KMT2A: variants seen among roughly 807,000 people sequenced by gnomAD.
The protein encoded by KMT2A is histone-lysine N-methyltransferase 2A.
Under a neutral mutation model 345.3 loss-of-function variants are expected in KMT2A, and 16 were observed. The observed-to-expected ratio is 0.05, with a 90% CI of 0.03 to 0.07. The LOEUF (loss-of-function observed/expected upper bound fraction) is 0.07, where lower values mean the gene tolerates loss of function less well. Among genes scored for constraint, KMT2A ranks in the 10% least tolerant of loss-of-function variants. KMT2A has a pLI of 1.00. For missense variants in KMT2A, 3,272 were observed against 4,841.6 expected, an observed-to-expected ratio of 0.68 and a Z score of 9.62; for synonymous variants, 1,599 against 1,778.6, an observed-to-expected ratio of 0.90 and a Z score of 2.54.
intron 10 of KMT2A, among the ~76,000 whole-genome samples, chr11:118,487,424 G>A (rs992056966): frequency 2.0e-5 from 3 of 152,002 alleles, no homozygotes; most frequent in Non-Finnish European, 4.4e-5. Flanking sequence ...TCCTCCATGC[G>A]AATTTTTTAA....
chr11:118,509,289 ATTT>A, intron 29 of KMT2A, 89 bp downstream of exon 29: 2 of 1,078,476 alleles, frequency 1.9e-6, no homozygotes, highest in Admixed American at 5.3e-5. Context: ...TATTTTCTAC[ATTT>A]AAAAAAAAAA....
rs782219735 is a variant in KMT2A, at chr11:118,499,344, T to C, written c.6003T>C (p.Phe2001=). 3.0e-5 allele frequency: 49 copies of C among 1,613,940 alleles called. No homozygotes were observed. In the South Asian group the frequency reaches 4.9e-4, roughly 16 times the overall value. The change falls in exon 23 of 36, where the codon TTT becomes TTC. Residue 2001 remains phenylalanine (F), a synonymous_variant. Transcript: ENST00000534358. ...ENGFEVFRRV[F]VDFEGISLRR... ...GATTTGAAGTTTTCAGAAGAGTGTT[T>C]GTGGACTTTGAAGGAATCAGCTTGA...
chr11:118,485,063 TA>T (rs1950205606), intron 10 of KMT2A, 88 bp downstream of exon 10: 2 of 810,362 alleles, frequency 2.5e-6, no homozygotes, highest in Non-Finnish European at 4.2e-6. Flanking sequence ...TGTTGGTATT[TA>T]GCAGGTACTA....
Position 118,494,001 on chromosome 11 carries a change from G to C in KMT2A, c.5179-287G>C, listed in dbSNP as rs1289883882. ...GCTGGGATTACAGGCGTGAGCCACT[G>C]TTTATTTATTTTAATCCAAAATAAA... On this transcript the variant is annotated intron_variant, in intron 16 of 35. Coordinates refer to ENST00000534358, the MANE Select transcript of KMT2A (RefSeq NM_001197104.2). This position sits in a 1 kb window ranked among gnomAD's most constrained non-coding sequence, Gnocchi z 5.8. 3.9e-5 allele frequency among the ~76,000 whole-genome samples: 6 copies of C among 152,154 alleles called. No homozygotes were observed. The highest frequency in any genetic ancestry group is 1.4e-4 in the African/African-American group (6 of 41,426).
chr11:118,459,614 T>C (rs1255045815), intron 1 of KMT2A, among the ~76,000 whole-genome samples: 2 of 152,072 alleles, frequency 1.3e-5, no homozygotes, highest in East Asian at 3.9e-4. Context: ...CTTAGCCTGG[T>C]AGGTAAAGAA....
At chr11:118,466,163 C>G (rs1456529638) in intron 1 of KMT2A, among the ~76,000 whole-genome samples, 4 of 152,020 alleles carry the variant, frequency 2.6e-5, no homozygotes, top group African/African-American at 9.7e-5. Context: ...GAGACCCCGT[C>G]TCTGTAAATA....
intron 1 of KMT2A, among the ~76,000 whole-genome samples, chr11:118,460,643 A>C (rs1383209471): frequency 6.6e-6 from 1 of 151,510 alleles, no homozygotes; most frequent in Non-Finnish European, 1.5e-5. Flanking sequence ...AATTACACAT[A>C]GTATTTTATC....
At chr11:118,511,864 C>G in intron 30 of KMT2A, 87 bp from the exon 31 acceptor site, 5 of 1,011,864 alleles carry the variant, frequency 4.9e-6, no homozygotes, top group Non-Finnish European at 7.8e-6. Context: ...TGTAGGGATT[C>G]TAAGCAGTGC....
In KMT2A at chr11:118,490,081, A is replaced by T. The variant is rs1207452269; in HGVS notation, c.4576-48A>T. ...TTAAGATCTTTTTAGTTAAGTAAAGATATTAAAAACAAGAAATTCCTATTG... is the reference window on the plus strand; with the variant it reads ...TTAAGATCTTTTTAGTTAAGTAAAGTTATTAAAAACAAGAAATTCCTATTG... On this transcript the variant is annotated intron_variant, in intron 12 of 35. Coordinates refer to ENST00000534358, the MANE Select transcript of KMT2A (RefSeq NM_001197104.2). The surrounding 1 kb of genome is among the most constrained non-coding windows in gnomAD (Gnocchi z 4.2). The T allele has an allele frequency of 6.4e-7, 1 of 1,568,840 alleles. No individual in the cohort carries two copies. The highest frequency in any genetic ancestry group is 1.4e-5 in the African/African-American group (1 of 72,314).
rs781816491 is a variant in KMT2A, at chr11:118,489,850, A to G, written c.4538A>G (p.Asn1513Ser). The part of the protein sequence containing the change: ...NSYHPECLGP[N>S]YPTKPTKKKK... ...TATCACCCTGAGTGCCTGGGACCAA[A>G]CTACCCCACCAAACCCACAAAGAAG... Residue 1513 changes from asparagine (N) to serine (S), a missense_variant, in exon 12 of 36, where the codon AAC (asparagine) becomes AGC (serine). Asn to Ser is a conservative substitution (Grantham distance 46, BLOSUM62 1). Transcript: ENST00000534358. 7 of 1,614,020 alleles carry G rather than the reference A, an allele frequency of 4.3e-6. No homozygotes were observed.
In KMT2A at chr11:118,498,269, A is replaced by C. The variant is rs1950441933; in HGVS notation, c.5803-101A>C. ...TTCAATTTATCAATAGATAAAATGA[A>C]TTGTAGGAACTGTAGAATGGGATGA... On this transcript the variant is annotated intron_variant, in intron 21 of 35. Coordinates refer to ENST00000534358, the MANE Select transcript of KMT2A (RefSeq NM_001197104.2). This position sits in a 1 kb window ranked among gnomAD's most constrained non-coding sequence, Gnocchi z 4.4. The C allele has an allele frequency of 3.2e-6, 4 of 1,235,622 alleles. No individual in the cohort carries two copies. In the South Asian group the frequency reaches 4.4e-5, roughly 13 times the overall value. 76.5% of individuals were successfully genotyped at this position (1,235,622 alleles called of 1,614,324 possible).
chr11:118,515,163 T>C (rs1241264189), intron 31 of KMT2A, among the ~76,000 whole-genome samples: 2 of 152,248 alleles, frequency 1.3e-5, no homozygotes, highest in Non-Finnish European at 2.9e-5. Flanking sequence ...CCCCAAGCAA[T>C]TCTTATTACT....
In KMT2A at chr11:118,502,316, A is replaced by T. The variant is rs1022768527; in HGVS notation, c.6506-82A>T. 2.5e-6 allele frequency: 2 copies of T among 792,032 alleles called. No homozygotes were observed. Among genetic ancestry groups the T allele is most frequent in the Non-Finnish European group, 4.0e-6 (2 of 502,526 alleles). 49.1% of individuals were successfully genotyped at this position (792,032 alleles called of 1,614,324 possible). A position where few individuals can be genotyped will look rare whatever the true frequency, so the allele number is the denominator to read the frequency against. On this transcript the variant is annotated intron_variant, in intron 26 of 35. Transcript: ENST00000534358. This position sits in a 1 kb window ranked among gnomAD's most constrained non-coding sequence, Gnocchi z 4.9. ...CAGTTACCTATAAATATATATATATATAGTCAAATCATTGAAACCAGTGAC... is the reference window on the plus strand; with the variant it reads ...CAGTTACCTATAAATATATATATATTTAGTCAAATCATTGAAACCAGTGAC...
In KMT2A at chr11:118,436,633, C is replaced by T. The variant is rs1224934712; in HGVS notation, c.121C>T (p.Pro41Ser). The change falls in exon 1 of 36, where the codon CCC (proline) becomes TCC (serine). Residue 41 changes from proline (P) to serine (S), a missense_variant. Pro to Ser is a moderately conservative substitution (Grantham distance 74). Coordinates refer to ENST00000534358, the MANE Select transcript of KMT2A (RefSeq NM_001197104.2). The surrounding 1 kb of genome is among the most constrained non-coding windows in gnomAD (Gnocchi z 6.9). ...PRQRVPALLL[P>S]PGPPVGGGGP... ...GCAACGCGTCCCGGCCCTGCTGCTT[C>T]CCCCCGGGCCCCCGGTCGGCGGTGG... 11 of 1,132,178 alleles carry T rather than the reference C, an allele frequency of 9.7e-6. No individual in the cohort carries two copies. Among genetic ancestry groups the T allele is most frequent in the Non-Finnish European group, 1.2e-5 (11 of 919,048 alleles). The allele number at this position is 1,132,178 out of a possible 1,614,324, so 70.1% of individuals were successfully genotyped here. A position where few individuals can be genotyped will look rare whatever the true frequency, so the allele number is the denominator to read the frequency against.
In KMT2A at chr11:118,476,715, T is replaced by C. The variant is rs1236880029; in HGVS notation, c.3157-90T>C. On this transcript the variant is annotated intron_variant, in intron 3 of 35. Transcript: ENST00000534358. This position sits in a 1 kb window ranked among gnomAD's most constrained non-coding sequence, Gnocchi z 4.1. ...AGTTGTGTGTTTTGATTCTAAATCATACTGAAATTGATTAAGTATACCTTG... is the reference window on the plus strand; with the variant it reads ...AGTTGTGTGTTTTGATTCTAAATCACACTGAAATTGATTAAGTATACCTTG... 29 of 1,008,022 alleles carry C rather than the reference T, an allele frequency of 2.9e-5. 1 individual carries two copies. Among genetic ancestry groups the C allele is most frequent in the Non-Finnish European group, 3.3e-5 (22 of 674,876 alleles). The allele number at this position is 1,008,022 out of a possible 1,614,324, so 62.4% of individuals were successfully genotyped here.
rs1037113398 is a variant in KMT2A at position 118,520,135 on chromosome 11, A to G, written c.11429+71A>G. On this transcript the variant is annotated intron_variant, in intron 33 of 35. Transcript: ENST00000534358. This position sits in a 1 kb window ranked among gnomAD's most constrained non-coding sequence, Gnocchi z 4.3. ...CCTCCAGCTGGTCAGGGCACTACGTAGGAATTTGTTTGCATCAGAATTTCC... is the reference window on the plus strand; with the variant it reads ...CCTCCAGCTGGTCAGGGCACTACGTGGGAATTTGTTTGCATCAGAATTTCC... The G allele has an allele frequency of 5.0e-6, 5 of 1,006,824 alleles. No individual in the cohort carries two copies. Among genetic ancestry groups the G allele is most frequent in the Admixed American group, 2.4e-5 (1 of 41,860 alleles). The allele number at this position is 1,006,824 out of a possible 1,614,324, so 62.4% of individuals were successfully genotyped here.
intron 1 of KMT2A, among the ~76,000 whole-genome samples, chr11:118,440,220 G>A (rs1555139763): frequency 6.6e-6 from 1 of 152,182 alleles, no homozygotes. Context: ...TGACTTTGCT[G>A]TTTGAACTCC....
rs1187376280 is a variant in KMT2A, at chr11:118,482,486, A to G, written c.4077A>G (p.Pro1359=). Residue 1359 remains proline, a synonymous_variant, in exon 8 of 36, where the codon CCA becomes CCG. Transcript: ENST00000534358. The part of the protein sequence containing the change: ...PRPSIPVKQK[P]KEKEKPPPVN... ...CAAGTATCCCTGTAAAACAAAAACC[A>G]AAAGAAAAGGTGAGGAGAGATTTGT... 1.9e-6 allele frequency: 3 copies of G among 1,611,282 alleles called. No homozygotes were observed. The highest frequency in any genetic ancestry group is 4.5e-5 in the East Asian group (2 of 44,858).
rs1373433773 is a variant in KMT2A, at chr11:118,522,403, C to A, written c.*231C>A. ...TCCATGATCGGCTTTCTCCTGGGGCCCCTCCAATTGTTTACTGTTAGAAAG... is the reference window on the plus strand; with the variant it reads ...TCCATGATCGGCTTTCTCCTGGGGCACCTCCAATTGTTTACTGTTAGAAAG... On this transcript the variant is annotated 3_prime_UTR_variant, in exon 36 of 36. Transcript: ENST00000534358. The surrounding 1 kb of genome is among the most constrained non-coding windows in gnomAD (Gnocchi z 5.4). 3.9e-6 allele frequency: 2 copies of A among 512,416 alleles called. No individual in the cohort carries two copies. The highest frequency in any genetic ancestry group is 7.0e-6 in the Non-Finnish European group (2 of 285,868). 31.7% of individuals were successfully genotyped at this position (512,416 alleles called of 1,614,324 possible). A position where few individuals can be genotyped will look rare whatever the true frequency, so the allele number is the denominator to read the frequency against.
Sources: gnomAD v4.1 joint callset for allele counts (sites outside exome capture counted in the v4.1 genomes callset) on GRCh38, gnomAD v4.1.1 for gene constraint, Gnocchi (gnomAD v3.1) non-coding constraint, MANE v1.5 for transcripts, NCBI Gene and HGNC (gene_info 2026-07-23, HGNC 2026-07-21) for gene names.